The following TMEM232 variants were observed in gnomAD, a reference collection of about 807,000 sequenced individuals.
The protein encoded by TMEM232 is transmembrane protein 232.
In TMEM232, 80 loss-of-function variants were observed where a neutral mutation model predicts 78.8. The ratio of observed to expected loss-of-function variants is 1.01; its 90% confidence interval spans 0.85 to 1.22. The LOEUF (loss-of-function observed/expected upper bound fraction) is 1.22, where lower values mean the gene tolerates loss of function less well. Ranked by LOEUF, TMEM232 falls within the 50% of genes most tolerant of loss-of-function variation. The pLI, the probability that TMEM232 is intolerant of heterozygous loss-of-function variation, is 0.00. For synonymous variants in TMEM232, 297 were observed against 254.3 expected (o/e 1.17, Z -1.60); for missense variants, 881 against 742.2 (o/e 1.19, Z -2.17).
chr5:110,696,559 G>A (rs1794807535), intron 1 of TMEM232, among the ~76,000 whole-genome samples: 1 of 152,142 alleles, frequency 6.6e-6, no homozygotes, highest in South Asian at 2.1e-4. Context: ...AAACCCCATA[G>A]TCTCAGCCCA....
chr5:110,731,024 T>A (rs1346586246), upstream of TMEM232, among the ~76,000 whole-genome samples: 3 of 152,134 alleles, frequency 2.0e-5, no homozygotes, highest in East Asian at 3.8e-4. Context: ...ACTTCCTAGA[T>A]ACAAAGGGGG....
intron 12 of TMEM232, among the ~76,000 whole-genome samples, chr5:110,477,888 A>C (rs932843381): frequency 2.0e-5 from 3 of 151,946 alleles, no homozygotes; most frequent in African/African-American, 4.8e-5. Flanking sequence ...TTGGTATTTT[A>C]TGAAGCAGCA....
chr5:110,582,618 T>C (rs1057429608), intron 10 of TMEM232, among the ~76,000 whole-genome samples: 3 of 151,934 alleles, frequency 2.0e-5, no homozygotes, highest in African/African-American at 7.2e-5. Flanking sequence ...TTGTCTACTC[T>C]GGTGATGTCT....
intron 8 of TMEM232, among the ~76,000 whole-genome samples, chr5:110,612,252 G>T (rs1470443457): frequency 1.3e-5 from 2 of 152,104 alleles, no homozygotes. Context: ...TAAAATTCAT[G>T]TCTTCTGGTT....
intron 1 of TMEM232, among the ~76,000 whole-genome samples, chr5:110,695,249 A>C (rs1441626183): frequency 6.6e-6 from 1 of 152,176 alleles, no homozygotes. Context: ...GTTCTTCGAA[A>C]CCAATGAGAA....
chr5:110,714,825 A>T (rs1469907329), intron 1 of TMEM232, among the ~76,000 whole-genome samples: 2 of 152,170 alleles, frequency 1.3e-5, no homozygotes, highest in Non-Finnish European at 2.9e-5. Flanking sequence ...GCCTTTCCTT[A>T]GGAAATTAAA....
chr5:110,535,359 C>T (rs1772190979), intron 11 of TMEM232, among the ~76,000 whole-genome samples: 3 of 152,070 alleles, frequency 2.0e-5, no homozygotes, highest in Admixed American at 2.0e-4. Context: ...GAACAACCCC[C>T]CTTTTTCCTT....
intron 11 of TMEM232, among the ~76,000 whole-genome samples, chr5:110,543,742 G>A (rs932391300): frequency 3.3e-5 from 5 of 152,024 alleles, no homozygotes; most frequent in Non-Finnish European, 7.4e-5. Flanking sequence ...TCTGGCCTTC[G>A]CAGCAACTCC....
At chr5:110,709,033 G>A (rs542357952) in intron 1 of TMEM232, among the ~76,000 whole-genome samples, 1 of 152,156 alleles carries the variant, frequency 6.6e-6, no homozygotes, top group Non-Finnish European at 1.5e-5. Context: ...TAAAGAGATG[G>A]AAAAAAGATA....
At chr5:110,442,731 CT>C (rs1380209151) in intron 12 of TMEM232, among the ~76,000 whole-genome samples, 1 of 152,072 alleles carries the variant, frequency 6.6e-6, no homozygotes, top group Non-Finnish European at 1.5e-5. Flanking sequence ...TTATTGTATT[CT>C]TCACAGTCTG....
intron 7 of TMEM232, among the ~76,000 whole-genome samples, chr5:110,619,944 TA>T (rs1029584318): frequency 5.9e-4 from 90 of 151,300 alleles, no homozygotes; most frequent in African/African-American, 7.0e-4. Context: ...AAAACAAGAA[TA>T]AAAAAAAACT....
chr5:110,725,156 G>C (rs925702811), intron 1 of TMEM232, among the ~76,000 whole-genome samples: 3 of 152,108 alleles, frequency 2.0e-5, no homozygotes, highest in African/African-American at 4.8e-5. Context: ...GTAAAATACT[G>C]CTTCTTGGGA....
chr5:110,544,486 CCAA>C (rs951084623), intron 11 of TMEM232, among the ~76,000 whole-genome samples: 2 of 147,408 alleles, frequency 1.4e-5, no homozygotes, highest in Admixed American at 1.3e-4. Context: ...GAATTTACCA[CCAA>C]TAATTAGAGA....
rs1317880019 is a variant in TMEM232, at chr5:110,627,856, G to A, written c.526C>T (p.Leu176Phe). Reference protein sequence around the residue: ...AKIGYLVFLRLFIFFLHGHLE... With the variant: ...AKIGYLVFLRFFIFFLHGHLE... Reference sequence around the variant, plus strand: ...TGACCATGCAGGAAAAATATAAAAAGTCGTAAGAAGACCAAATAGCCAATC... The same window carrying A: ...TGACCATGCAGGAAAAATATAAAAAATCGTAAGAAGACCAAATAGCCAATC... Residue 176 changes from leucine to phenylalanine, a missense_variant, in exon 6 of 14, where the codon CTT becomes TTT. Physicochemically the swap from Leu to Phe is conservative, Grantham distance 22. Coordinates refer to ENST00000455884, the MANE Select transcript of TMEM232 (RefSeq NM_001039763.4). 17 of 1,534,688 alleles carry A rather than the reference G, an allele frequency of 1.1e-5. No individual in the cohort carries two copies. Among genetic ancestry groups the A allele is most frequent in the Non-Finnish European group, 1.5e-5 (17 of 1,142,486 alleles).
intron 3 of TMEM232, among the ~76,000 whole-genome samples, chr5:110,392,934 C>T (rs971258499): frequency 6.6e-6 from 1 of 152,074 alleles, no homozygotes; most frequent in African/African-American, 2.4e-5. Context: ...TAATGCAATA[C>T]CTAATATTTA....
intron 1 of TMEM232, among the ~76,000 whole-genome samples, chr5:110,686,214 A>T (rs907764114): frequency 6.6e-6 from 1 of 152,036 alleles, no homozygotes; most frequent in Non-Finnish European, 1.5e-5. Flanking sequence ...GACTAACAGA[A>T]TGTGGCAGAA....
intron 2 of TMEM232, among the ~76,000 whole-genome samples, chr5:110,652,517 A>G (rs1165388210): frequency 6.6e-6 from 1 of 152,162 alleles, no homozygotes; most frequent in Non-Finnish European, 1.5e-5. Context: ...TTTGTCCAAC[A>G]TTTTTCAATA....
rs550686011 is a variant in TMEM232 at position 110,445,209 on chromosome 5, T to C, written c.1704-20293A>G. Among the ~76,000 whole-genome samples, 4 of 152,188 alleles carry C rather than the reference T, an allele frequency of 2.6e-5. No individual in the cohort carries two copies. The South Asian group carries it at 8.3e-4, about 32-fold the overall frequency. On this transcript the variant is annotated intron_variant, in intron 12 of 13. Transcript: ENST00000455884. ...TATTCATTTGGATCCCTGTCTATTA[T>C]GTTGGAGTCTTTTGTTTTTCAAATA...
chr5:110,729,154 G>A (rs1313427256), upstream of TMEM232, among the ~76,000 whole-genome samples: 1 of 151,964 alleles, frequency 6.6e-6, no homozygotes, highest in Non-Finnish European at 1.5e-5. Flanking sequence ...CAAAGTGCTG[G>A]GATTAAAGGC....
Sources: gnomAD v4.1 joint callset for allele counts (sites outside exome capture counted in the v4.1 genomes callset) on GRCh38, gnomAD v4.1.1 for gene constraint, MANE v1.5 for transcripts, NCBI Gene and HGNC (gene_info 2026-07-23, HGNC 2026-07-21) for gene names.